HDAC4: variants seen among roughly 807,000 people sequenced by gnomAD.
The protein encoded by HDAC4 is histone deacetylase 4.
A neutral mutation model predicts 135.1 loss-of-function variants in HDAC4; 16 were observed. That is an observed-to-expected ratio of 0.12 (90% CI 0.08 to 0.18). The LOEUF (loss-of-function observed/expected upper bound fraction) is 0.18. Ranked by LOEUF, HDAC4 falls within the 10% of genes least tolerant of loss-of-function variation. The probability of loss-of-function intolerance (pLI) is 1.00; values close to 1 mark genes in which losing one functional copy is unlikely to be tolerated. For synonymous variants in HDAC4, 685 were observed against 653.4 expected (o/e 1.05, Z -0.74); for missense variants, 1,143 against 1,511.8 (o/e 0.76, Z 4.05).
intron 3 of HDAC4, among the ~76,000 whole-genome samples, chr2:239,191,781 T>C (rs1040882670): frequency 1.3e-5 from 2 of 152,200 alleles, no homozygotes; most frequent in Non-Finnish European, 2.9e-5. Flanking sequence ...CTGGCTGCCC[T>C]GGCTGGACTG....
intron 11 of HDAC4, among the ~76,000 whole-genome samples, chr2:239,132,170 A>G (rs1392382593): frequency 1.3e-5 from 2 of 152,196 alleles, no homozygotes; most frequent in African/African-American, 4.8e-5. Context: ...GCAGGGGCAC[A>G]TGAGTGCACA....
chr2:239,385,256 T>C (rs1456843540), intron 1 of HDAC4, among the ~76,000 whole-genome samples: 2 of 152,252 alleles, frequency 1.3e-5, no homozygotes, highest in Admixed American at 6.5e-5. Flanking sequence ...TCAGCTTCCC[T>C]TAGCCAGAGG....
intron 23 of HDAC4, among the ~76,000 whole-genome samples, chr2:239,067,541 C>T (rs1003478947): frequency 1.3e-5 from 2 of 152,246 alleles, no homozygotes; most frequent in African/African-American, 2.4e-5. Flanking sequence ...GGCAGCTGTG[C>T]GGACTGAGGA....
intron 5 of HDAC4, among the ~76,000 whole-genome samples, chr2:239,166,947 G>T (rs778981332): frequency 6.6e-6 from 1 of 152,022 alleles, no homozygotes; most frequent in Non-Finnish European, 1.5e-5. Context: ...CATTTTTTTG[G>T]GTACTACCCA....
chr2:239,082,110 G>C lies in HDAC4; in HGVS notation c.2644C>G (p.Pro882Ala). ...DGNFFPGSGAPDEVGTGPGVG... is the reference protein window; with the variant it reads ...DGNFFPGSGAADEVGTGPGVG... ...TTATATACCCCACCTACCTCATCAG[G>C]AGCCCCGCTGCCTGGGAAGAAGTTC... The change falls in exon 21 of 27, where the codon CCT becomes GCT. Residue 882 changes from proline to alanine, a missense_variant. Transcript: ENST00000543185. 1.9e-6 allele frequency: 3 copies of C among 1,614,106 alleles called. No individual in the cohort carries two copies. Among genetic ancestry groups the C allele is most frequent in the South Asian group, 1.1e-5 (1 of 91,070 alleles).
chr2:239,069,915 A>G (rs999461352), intron 22 of HDAC4, among the ~76,000 whole-genome samples: 2 of 152,212 alleles, frequency 1.3e-5, no homozygotes, highest in African/African-American at 4.8e-5. Context: ...GACAAGCTGC[A>G]TTAACCTGGG....
chr2:239,378,030 G>A (rs1218941782), intron 1 of HDAC4, among the ~76,000 whole-genome samples: 4 of 152,126 alleles, frequency 2.6e-5, no homozygotes, highest in African/African-American at 7.2e-5. Context: ...GGGAGACGTC[G>A]CGTCCTGAGG....
chr2:239,397,044 C>T (rs905327474), intron 1 of HDAC4, among the ~76,000 whole-genome samples: 1 of 152,240 alleles, frequency 6.6e-6, no homozygotes, highest in Admixed American at 6.5e-5. Context: ...ACCTATGAAA[C>T]GCGCCTGTAA....
At chr2:239,117,042 G>A (rs1286402257) in intron 12 of HDAC4, among the ~76,000 whole-genome samples, 1 of 152,158 alleles carries the variant, frequency 6.6e-6, no homozygotes, top group African/African-American at 2.4e-5. Context: ...CATCCACGTG[G>A]CACAGGCATT....
intron 2 of HDAC4, among the ~76,000 whole-genome samples, chr2:239,243,610 G>C (rs373120545): frequency 5.3e-5 from 8 of 152,170 alleles, no homozygotes; most frequent in Non-Finnish European, 1.0e-4. Flanking sequence ...CGGAAGCTTA[G>C]GGCTACTGGG....
chr2:239,152,068 CGG>C, intron 7 of HDAC4, among the ~76,000 whole-genome samples: 1 of 152,190 alleles, frequency 6.6e-6, no homozygotes, highest in Admixed American at 6.5e-5. Flanking sequence ...AAAAAATACA[CGG>C]TGACTAATAT....
intron 5 of HDAC4, among the ~76,000 whole-genome samples, chr2:239,173,307 A>G (rs1351062958): frequency 6.6e-6 from 1 of 152,208 alleles, no homozygotes; most frequent in Admixed American, 6.5e-5. Flanking sequence ...ATATATTACA[A>G]TCAAGTTGAC....
At chr2:239,197,187 CTT>C in intron 3 of HDAC4, among the ~76,000 whole-genome samples, 1 of 152,212 alleles carries the variant, frequency 6.6e-6, no homozygotes, top group African/African-American at 2.4e-5. Context: ...CGATTCTCCC[CTT>C]CACGCGTCCT....
At chr2:239,324,075 T>G (rs2053398498) in intron 2 of HDAC4, among the ~76,000 whole-genome samples, 1 of 152,146 alleles carries the variant, frequency 6.6e-6, no homozygotes, top group South Asian at 2.1e-4. Context: ...TGCGAAGGAT[T>G]AGCACAATTG....
chr2:239,130,172 A>G (rs1198168603), intron 11 of HDAC4, among the ~76,000 whole-genome samples: 3 of 152,204 alleles, frequency 2.0e-5, no homozygotes, highest in South Asian at 4.1e-4. Context: ...CAAGGGAACA[A>G]TGTGGGTGCT....
chr2:239,396,962 C>T (rs1445764981), intron 1 of HDAC4, among the ~76,000 whole-genome samples: 1 of 151,902 alleles, frequency 6.6e-6, no homozygotes, highest in Non-Finnish European at 1.5e-5. Flanking sequence ...AGGAGAAGAA[C>T]ATGATGTCTT....
At chr2:239,326,599 G>C (rs2053477047) in intron 2 of HDAC4, among the ~76,000 whole-genome samples, 1 of 152,170 alleles carries the variant, frequency 6.6e-6, no homozygotes, top group Non-Finnish European at 1.5e-5. Flanking sequence ...CAACACCCAA[G>C]TGTTATTTCA....
At chr2:239,159,631 C>T (rs557002155) in intron 6 of HDAC4, among the ~76,000 whole-genome samples, 75 of 152,162 alleles carry the variant, frequency 4.9e-4, no homozygotes, top group Non-Finnish European at 8.2e-4. Flanking sequence ...TGCACACACC[C>T]ACATCCCCCA....
At chr2:239,350,543 C>T (rs907543054) in intron 2 of HDAC4, among the ~76,000 whole-genome samples, 1 of 151,740 alleles carries the variant, frequency 6.6e-6, no homozygotes, top group African/African-American at 2.4e-5. Flanking sequence ...CTTGCTCTGT[C>T]GCCAGGCTGA....
Sources: gnomAD v4.1 joint callset for allele counts (sites outside exome capture counted in the v4.1 genomes callset) on GRCh38, gnomAD v4.1.1 for gene constraint, MANE v1.5 for transcripts, NCBI Gene and HGNC (gene_info 2026-07-23, HGNC 2026-07-21) for gene names.